CFAP58: variants seen among roughly 807,000 people sequenced by gnomAD.
The protein encoded by CFAP58 is cilia- and flagella-associated protein 58.
Under a neutral mutation model 119.5 loss-of-function variants are expected in CFAP58, and 88 were observed. The ratio of observed to expected loss-of-function variants is 0.74; its 90% CI spans 0.62 to 0.88. The LOEUF (loss-of-function observed/expected upper bound fraction) is 0.88, where lower values mean the gene tolerates loss of function less well. Ranked by LOEUF, CFAP58 falls within the 40% of genes least tolerant of loss-of-function variation. The probability of loss-of-function intolerance (pLI) is 0.00; values close to 1 mark genes in which losing one functional copy is unlikely to be tolerated. For synonymous variants in CFAP58, 365 were observed against 366.3 expected, an observed-to-expected ratio of 1.00 and a Z score of 0.04; for missense variants, 990 against 1,021.2, an observed-to-expected ratio of 0.97 and a Z score of 0.42.
intron 9 of CFAP58, among the ~76,000 whole-genome samples, chr10:104,384,631 C>A (rs903965501): frequency 6.6e-6 from 1 of 152,188 alleles, no homozygotes; most frequent in African/African-American, 2.4e-5. Flanking sequence ...AACTGACTAT[C>A]AGCGATTTCA....
intron 9 of CFAP58, among the ~76,000 whole-genome samples, chr10:104,386,087 A>G (rs983445881): frequency 7.3e-5 from 11 of 151,304 alleles, no homozygotes; most frequent in African/African-American, 2.7e-4. Flanking sequence ...AGCTATTCTA[A>G]AATGGATGGG....
At chr10:104,405,256 CTT>C (rs568345143) in intron 14 of CFAP58, among the ~76,000 whole-genome samples, 1 of 152,210 alleles carries the variant, frequency 6.6e-6, no homozygotes, top group Non-Finnish European at 1.5e-5. Flanking sequence ...TAGCATCTCT[CTT>C]TTTCTTTTCT....
intron 15 of CFAP58, among the ~76,000 whole-genome samples, chr10:104,433,661 T>C (rs2012886043): frequency 6.6e-6 from 1 of 152,038 alleles, no homozygotes; most frequent in South Asian, 2.1e-4. Flanking sequence ...ATCCAGCTAT[T>C]GCTGGGAGGC....
intron 3 of CFAP58, among the ~76,000 whole-genome samples, chr10:104,362,583 T>C (rs1160532954): frequency 6.6e-5 from 10 of 152,256 alleles, no homozygotes; most frequent in African/African-American, 2.4e-4. Context: ...TCTTCCCTCC[T>C]CCTGCTCCCC....
At chr10:104,338,907 GT>G in the CFAP58 span, among the ~76,000 whole-genome samples, 142 of 140,578 alleles carry the variant, frequency 1.0e-3, no homozygotes, top group East Asian at 4.9e-3. Context: ...GCTTACTACC[GT>G]TTTTTTTTTT....
chr10:104,441,768 A>G (rs974715963), intron 15 of CFAP58, among the ~76,000 whole-genome samples: 1 of 152,204 alleles, frequency 6.6e-6, no homozygotes, highest in African/African-American at 2.4e-5. Flanking sequence ...CCCTGCTCGT[A>G]AGGAACTCGG....
intron 11 of CFAP58, among the ~76,000 whole-genome samples, chr10:104,397,638 T>G (rs2012188703): frequency 6.6e-6 from 1 of 152,058 alleles, no homozygotes; most frequent in Non-Finnish European, 1.5e-5. Flanking sequence ...AAGGAAAAAA[T>G]TATTACTCTT....
At chr10:104,425,497 A>G (rs2012729593) in intron 15 of CFAP58, among the ~76,000 whole-genome samples, 1 of 152,222 alleles carries the variant, frequency 6.6e-6, no homozygotes, top group African/African-American at 2.4e-5. Flanking sequence ...CGTAACTCCC[A>G]TAGCCGCAGC....
intron 2 of CFAP58, among the ~76,000 whole-genome samples, chr10:104,358,838 T>C (rs533059553): frequency 6.6e-6 from 1 of 152,308 alleles, no homozygotes; most frequent in South Asian, 2.1e-4. Flanking sequence ...ATCTTACTTG[T>C]TTGGTTTCTG....
In CFAP58 at chr10:104,400,848, C is replaced by T. The variant is rs140934769; in HGVS notation, c.1984C>T (p.Leu662Phe). ...AATCCTCAGACTTGAGATCAAGAAG[C>T]TTCGCCGGGAAAAGGGGATTCTTGC... is the stretch of plus-strand genomic sequence containing the variant. ...MRILRLEIKK[L>F]RREKGILARS... Residue 662 changes from leucine to phenylalanine, a missense_variant, in exon 13 of 18, where the codon CTT (leucine) becomes TTT (phenylalanine). Physicochemically the swap from Leu to Phe is conservative, Grantham distance 22. Transcript: ENST00000369704. The T allele has an allele frequency of 1.4e-5, 23 of 1,614,148 alleles. No homozygotes were observed. The highest frequency in any genetic ancestry group is 1.7e-5 in the Non-Finnish European group (20 of 1,180,024).
At chr10:104,420,241 C>G (rs972461107) in intron 15 of CFAP58, among the ~76,000 whole-genome samples, 1 of 151,762 alleles carries the variant, frequency 6.6e-6, no homozygotes, top group African/African-American at 2.4e-5. Context: ...CAAATGCCTT[C>G]TCATATTCCC....
intron 15 of CFAP58, among the ~76,000 whole-genome samples, chr10:104,425,175 G>C (rs1334265897): frequency 1.3e-5 from 2 of 152,196 alleles, no homozygotes; most frequent in African/African-American, 4.8e-5. Flanking sequence ...GATGGTGGTG[G>C]TGTTGGTGTA....
intron 9 of CFAP58, among the ~76,000 whole-genome samples, chr10:104,384,724 C>G (rs2011887470): frequency 6.6e-6 from 1 of 152,204 alleles, no homozygotes; most frequent in Non-Finnish European, 1.5e-5. Flanking sequence ...AACCTGGTGC[C>G]AAGTTTCCCC....
chr10:104,449,571 C>T (rs949857850), intron 16 of CFAP58, among the ~76,000 whole-genome samples: 1 of 152,192 alleles, frequency 6.6e-6, no homozygotes, highest in Non-Finnish European at 1.5e-5. Flanking sequence ...CATTCAGCAG[C>T]ATCACAACCC....
intron 17 of CFAP58, among the ~76,000 whole-genome samples, chr10:104,450,935 ATTC>A (rs1280604409): frequency 6.6e-6 from 1 of 151,878 alleles, no homozygotes; most frequent in Non-Finnish European, 1.5e-5. Flanking sequence ...GATGTGACCT[ATTC>A]TTCTAGGAGA....
the CFAP58 span, among the ~76,000 whole-genome samples, chr10:104,341,509 A>G: frequency 6.6e-6 from 1 of 151,794 alleles, no homozygotes; most frequent in East Asian, 1.9e-4. Context: ...CAGCTATAAT[A>G]TGTAGAAATA....
At chr10:104,414,385 A>T (rs2012511280) in intron 15 of CFAP58, among the ~76,000 whole-genome samples, 1 of 152,166 alleles carries the variant, frequency 6.6e-6, no homozygotes, top group South Asian at 2.1e-4. Context: ...AGTCGGCTTT[A>T]CTAGTTTTGA....
chr10:104,357,025 A>C (rs1411457247), intron 1 of CFAP58, among the ~76,000 whole-genome samples: 1 of 152,238 alleles, frequency 6.6e-6, no homozygotes, highest in Non-Finnish European at 1.5e-5. Context: ...AAAGCACCAC[A>C]AACTGGGTGG....
chr10:104,397,490 G>C (rs1589921425), intron 11 of CFAP58, among the ~76,000 whole-genome samples: 1 of 152,210 alleles, frequency 6.6e-6, no homozygotes, highest in South Asian at 2.1e-4. Flanking sequence ...CTGAGGTGTA[G>C]AATTAATGAC....
Sources: allele counts gnomAD v4.1 joint callset (sites outside exome capture counted in the v4.1 genomes callset), GRCh38; gene constraint gnomAD v4.1.1; transcripts MANE v1.5; gene names NCBI Gene and HGNC (gene_info 2026-07-23, HGNC 2026-07-21).